Variants in CTNND2 observed in about 807,000 individuals in gnomAD.
The protein encoded by CTNND2 is catenin delta-2.
Under a neutral mutation model 144.4 loss-of-function variants are expected in CTNND2, and 22 were observed. The observed-to-expected ratio is 0.15, with a 90% confidence interval of 0.11 to 0.22. The LOEUF is 0.22. CTNND2 is among the 10% of genes least tolerant of loss of function. CTNND2 has a pLI of 1.00. For missense variants in CTNND2, 1,353 were observed against 1,618.8 expected, an observed-to-expected ratio of 0.84 and a Z score of 2.82; for synonymous variants, 751 against 695.6, an observed-to-expected ratio of 1.08 and a Z score of -1.25.
rs1430632371 is a variant in CTNND2 at position 11,155,651 on chromosome 5, G to A, written c.2159+3925C>T. On this transcript the variant is annotated intron_variant, in intron 12 of 21. Transcript: ENST00000304623. ...CCCCGCAACCCCACCTCCCCATGCC[G>A]CTTGGCCTCTCACAATCTAGCTGCC... Among the ~76,000 whole-genome samples the A allele has an allele frequency of 3.3e-5, 5 of 152,040 alleles. No homozygotes were observed. The East Asian group carries it at 7.7e-4, about 24-fold the overall frequency.
intron 1 of CTNND2, among the ~76,000 whole-genome samples, chr5:11,873,602 G>T (rs1223918374): frequency 6.6e-6 from 1 of 152,186 alleles, no homozygotes. Flanking sequence ...TCTCCGTTCT[G>T]AACCAATTAA....
chr5:11,817,495 G>A (rs1472906811), intron 1 of CTNND2, among the ~76,000 whole-genome samples: 1 of 143,204 alleles, frequency 7.0e-6, no homozygotes, highest in Non-Finnish European at 1.5e-5. Flanking sequence ...GAGCCAGCGG[G>A]GTCAGCATAG....
intron 1 of CTNND2, among the ~76,000 whole-genome samples, chr5:11,751,270 C>T (rs1788601952): frequency 6.6e-6 from 1 of 151,678 alleles, no homozygotes; most frequent in South Asian, 2.1e-4. Context: ...GGTACATATG[C>T]AGGTTTGTAA....
At chr5:11,208,483 A>T (rs2149841571) in intron 10 of CTNND2, among the ~76,000 whole-genome samples, 1 of 152,258 alleles carries the variant, frequency 6.6e-6, no homozygotes, top group East Asian at 1.9e-4. Flanking sequence ...ATAGATAACA[A>T]TGGGAGAGAA....
intron 14 of CTNND2, among the ~76,000 whole-genome samples, chr5:11,102,109 G>T (rs577670039): frequency 6.6e-6 from 1 of 152,090 alleles, no homozygotes; most frequent in Non-Finnish European, 1.5e-5. Context: ...TACTCCTTAT[G>T]TTTGAGAGTT....
At chr5:11,889,484 C>G (rs182570979) in intron 1 of CTNND2, among the ~76,000 whole-genome samples, 1 of 152,150 alleles carries the variant, frequency 6.6e-6, no homozygotes, top group Non-Finnish European at 1.5e-5. Flanking sequence ...TTAAAATACT[C>G]GTTAGGCCAA....
At chr5:11,820,078 C>G (rs192274180) in intron 1 of CTNND2, among the ~76,000 whole-genome samples, 487 of 152,260 alleles carry the variant, frequency 3.2e-3, no homozygotes, top group Non-Finnish European at 5.1e-3. Context: ...TCCCCTCTTT[C>G]CAACACTGTC....
intron 2 of CTNND2, among the ~76,000 whole-genome samples, chr5:11,693,307 A>T (rs550574708): frequency 9.2e-5 from 14 of 152,270 alleles, no homozygotes; most frequent in Admixed American, 8.5e-4. Flanking sequence ...TTCATAAGCC[A>T]CCTAGCTTAT....
In CTNND2 at chr5:11,311,924, GC is replaced by G. The variant is rs775867421; in HGVS notation, c.1628+34447del. ...CCACACACACTCCACATACATCCTC[GC>G]CCCCCACACACACTCACACACACTC... On this transcript the variant is annotated intron_variant, in intron 9 of 21. Coordinates refer to ENST00000304623, the MANE Select transcript of CTNND2 (RefSeq NM_001332.4). 7.7e-4 allele frequency among the ~76,000 whole-genome samples: 39 copies of G among 50,478 alleles called. 1 individual carries two copies. The highest frequency in any genetic ancestry group is 5.9e-4 in the South Asian group (1 of 1,696). The allele number at this position is 50,478 out of a possible 152,430, so 33.1% of individuals were successfully genotyped here.
At chr5:11,589,766 C>G (rs1405745212) in intron 2 of CTNND2, among the ~76,000 whole-genome samples, 1 of 152,100 alleles carries the variant, frequency 6.6e-6, no homozygotes, top group Non-Finnish European at 1.5e-5. Context: ...ACCTTTGTAC[C>G]AAATGGATCC....
intron 1 of CTNND2, among the ~76,000 whole-genome samples, chr5:11,858,667 C>G (rs1401505498): frequency 6.6e-6 from 1 of 152,206 alleles, no homozygotes; most frequent in Non-Finnish European, 1.5e-5. Flanking sequence ...CGGTGGCTCA[C>G]GCCTGTTAAT....
chr5:11,485,394 C>T (rs539426139), intron 3 of CTNND2, among the ~76,000 whole-genome samples: 91 of 147,982 alleles, frequency 6.1e-4, no homozygotes, highest in African/African-American at 1.9e-3. Context: ...CGCGTGCGCG[C>T]GCACATTCAA....
intron 2 of CTNND2, among the ~76,000 whole-genome samples, chr5:11,675,339 G>C (rs1784116915): frequency 6.6e-6 from 1 of 152,088 alleles, no homozygotes; most frequent in Non-Finnish European, 1.5e-5. Context: ...TGCCCATGGA[G>C]ACTGATCTCC....
At chr5:11,043,766 T>C (rs954924408) in intron 16 of CTNND2, among the ~76,000 whole-genome samples, 3 of 152,196 alleles carry the variant, frequency 2.0e-5, no homozygotes, top group Non-Finnish European at 4.4e-5. Context: ...TGGCAATTTC[T>C]TTATTGAGAT....
chr5:11,858,652 G>A lies in CTNND2; in HGVS notation c.37+45165C>T, dbSNP rs572238030. Among the ~76,000 whole-genome samples, 21 of 152,300 alleles carry A rather than the reference G, an allele frequency of 1.4e-4. No homozygotes were observed. The South Asian group carries it at 3.1e-3, about 23-fold the overall frequency. On this transcript the variant is annotated intron_variant, in intron 1 of 21. Transcript: ENST00000304623. ...CAATAAGAATAAGTAAGAACAGGCT[G>A]GGCACGGTGGCTCACGCCTGTTAAT...
intron 14 of CTNND2, among the ~76,000 whole-genome samples, chr5:11,102,754 C>T (rs534275218): frequency 2.6e-5 from 4 of 152,120 alleles, no homozygotes; most frequent in African/African-American, 9.6e-5. Context: ...TAAGGGACTG[C>T]TGAAATTTAG....
intron 2 of CTNND2, among the ~76,000 whole-genome samples, chr5:11,662,014 TACAC>T (rs919048365): frequency 1.3e-5 from 2 of 150,336 alleles, no homozygotes; most frequent in Non-Finnish European, 3.0e-5. Context: ...CACACATATA[TACAC>T]ACACACATAT....
chr5:11,612,877 G>A (rs1343162895), intron 2 of CTNND2, among the ~76,000 whole-genome samples: 1 of 152,068 alleles, frequency 6.6e-6, no homozygotes. Flanking sequence ...TCCAGCCTAG[G>A]TGAAAAAGGG....
chr5:11,519,026 C>T (rs565377077), intron 3 of CTNND2, among the ~76,000 whole-genome samples: 2 of 147,434 alleles, frequency 1.4e-5, no homozygotes, highest in South Asian at 4.4e-4. Context: ...CACACACACA[C>T]ACAAATTTAA....
Sources: gnomAD v4.1 joint callset for allele counts (sites outside exome capture counted in the v4.1 genomes callset) on GRCh38, gnomAD v4.1.1 for gene constraint, MANE v1.5 for transcripts, NCBI Gene and HGNC (gene_info 2026-07-23, HGNC 2026-07-21) for gene names.